Variants in VEPH1 observed in about 807,000 individuals in gnomAD.
VEPH1 encodes the protein ventricular zone-expressed PH domain-containing protein homolog 1.
In VEPH1, 80 loss-of-function variants were observed where a neutral mutation model predicts 85.2. The observed-to-expected ratio is 0.94, with a 90% CI of 0.78 to 1.13. The LOEUF (loss-of-function observed/expected upper bound fraction) is 1.13. Ranked by LOEUF, VEPH1 falls within the 50% of genes most tolerant of loss-of-function variation. The pLI, the probability that VEPH1 is intolerant of heterozygous loss-of-function variation, is 0.00. For missense variants in VEPH1, 955 were observed against 980.5 expected (o/e 0.97, Z 0.35); for synonymous variants, 297 against 348.0 (o/e 0.85, Z 1.63).
At chr3:157,410,947 C>T (rs549523439) in intron 6 of VEPH1, among the ~76,000 whole-genome samples, 2 of 152,302 alleles carry the variant, frequency 1.3e-5, no homozygotes, top group South Asian at 4.1e-4. Flanking sequence ...TTTAACTGGG[C>T]ATGGGACCAC....
rs1559952617 is a variant in VEPH1 at position 157,317,078 on chromosome 3, A to G, written c.1859T>C (p.Met620Thr). ...TATACAAACCTGCTGAAATAGAAAC[A>G]TGATCTGGATCCATGGCTGAGGTTC... ...SQEPQPWIQI[M>T]FLFQQSLFPE... The change falls in exon 10 of 14, where the codon ATG becomes ACG. Residue 620 changes from methionine (M) to threonine (T), a missense_variant. Transcript: ENST00000362010. 8 of 1,612,802 alleles carry G rather than the reference A, an allele frequency of 5.0e-6. No individual in the cohort carries two copies. The highest frequency in any genetic ancestry group is 6.8e-6 in the Non-Finnish European group (8 of 1,179,402).
At position 157,483,100 on chromosome 3, in the gene VEPH1, CCTT is replaced by C. The variant is rs770991960; in HGVS notation, c.138+12109_138+12111del. ...TACTAATAATCCTTTATATTTTCAT[CCTT>C]CTTTCCACTTTTAAAAGCATACACA... On this transcript the variant is annotated intron_variant, in intron 2 of 13. Transcript: ENST00000362010. Among the ~76,000 whole-genome samples the C allele has an allele frequency of 4.0e-5, 6 of 148,778 alleles. No homozygotes were observed. The East Asian group carries it at 1.2e-3, about 29-fold the overall frequency.
chr3:157,308,394 G>A (rs1264694573), intron 11 of VEPH1, among the ~76,000 whole-genome samples: 7 of 151,784 alleles, frequency 4.6e-5, no homozygotes, highest in African/African-American at 9.7e-5. Flanking sequence ...AAAAGGATTC[G>A]TTTCATACGT....
intron 3 of VEPH1, among the ~76,000 whole-genome samples, chr3:157,464,864 C>T (rs12496305): frequency 0.17 from 26,089 of 152,192 alleles, 2,870 homozygotes; most frequent in East Asian, 0.38. Context: ...AATATTAAAC[C>T]TCATTTATTA....
At chr3:157,474,905 T>G (rs1737314184) in intron 2 of VEPH1, among the ~76,000 whole-genome samples, 1 of 152,224 alleles carries the variant, frequency 6.6e-6, no homozygotes, top group African/African-American at 2.4e-5. Context: ...TTGCTTTAAT[T>G]TGAATTATTC....
intron 9 of VEPH1, among the ~76,000 whole-genome samples, chr3:157,326,692 T>C (rs1721943266): frequency 6.6e-6 from 1 of 152,172 alleles, no homozygotes; most frequent in Non-Finnish European, 1.5e-5. Flanking sequence ...CAGAGAAGTG[T>C]AAAGCCATCA....
rs139799192 is a variant in VEPH1 at position 157,305,101 on chromosome 3, C to CT, written c.2010+8519dup. ...CTCTCTATTTCATCTATCTATCTGT[C>CT]TTTTTTTTTTTTTTTTTTTTTTTTT... On this transcript the variant is annotated intron_variant, in intron 11 of 13. Transcript: ENST00000362010. 9.5e-3 allele frequency among the ~76,000 whole-genome samples: 742 copies of CT among 77,856 alleles called. 75 individuals are homozygous for CT. Among genetic ancestry groups the CT allele is most frequent in the African/African-American group, 0.015 (271 of 17,904 alleles). 51.1% of individuals were successfully genotyped at this position (77,856 alleles called of 152,430 possible). A position where few individuals can be genotyped will look rare whatever the true frequency, so the allele number is the denominator to read the frequency against.
chr3:157,296,685 T>C (rs1056279197), intron 11 of VEPH1, among the ~76,000 whole-genome samples: 10 of 152,246 alleles, frequency 6.6e-5, no homozygotes, highest in Non-Finnish European at 1.3e-4. Flanking sequence ...TAGAGAATTA[T>C]TACAGCATAG....
chr3:157,359,867 T>G (rs576990049), intron 9 of VEPH1, among the ~76,000 whole-genome samples: 1 of 152,328 alleles, frequency 6.6e-6, no homozygotes, highest in African/African-American at 2.4e-5. Context: ...TTTGTCGTGT[T>G]CCTAGCGTAT....
chr3:157,455,830 T>C (rs1735329331), intron 4 of VEPH1, among the ~76,000 whole-genome samples: 1 of 152,240 alleles, frequency 6.6e-6, no homozygotes, highest in South Asian at 2.1e-4. Flanking sequence ...CTATGATTGA[T>C]GGGCGTTTAG....
chr3:157,378,028 C>T (rs144438865), intron 7 of VEPH1, among the ~76,000 whole-genome samples: 62 of 152,010 alleles, frequency 4.1e-4, no homozygotes, highest in African/African-American at 1.4e-3. Flanking sequence ...AGGACATGGG[C>T]CAAACTTTCA....
chr3:157,405,856 G>T lies in VEPH1; in HGVS notation c.906+8025C>A, dbSNP rs142980789. Among the ~76,000 whole-genome samples the T allele has an allele frequency of 3.0e-3, 458 of 152,238 alleles. 8 individuals carry two copies. The East Asian group carries it at 0.044, about 15-fold the overall frequency. On this transcript the variant is annotated intron_variant, in intron 6 of 13. Coordinates refer to ENST00000362010, the MANE Select transcript of VEPH1 (RefSeq NM_001167912.2). Reference sequence around the variant, plus strand: ...ATCCCCAGTTGTGAGATCCTCTAGGGCAGGGACCATGTCTTTCTCTCCTCT... The same window carrying T: ...ATCCCCAGTTGTGAGATCCTCTAGGTCAGGGACCATGTCTTTCTCTCCTCT...
At chr3:157,415,661 C>T (rs1413701523) in intron 5 of VEPH1, among the ~76,000 whole-genome samples, 6 of 152,168 alleles carry the variant, frequency 3.9e-5, no homozygotes, top group East Asian at 1.9e-4. Context: ...TATCCATCTT[C>T]CCACATTCAG....
chr3:157,292,484 G>C (rs1034250890), intron 11 of VEPH1, among the ~76,000 whole-genome samples: 1 of 152,028 alleles, frequency 6.6e-6, no homozygotes, highest in Non-Finnish European at 1.5e-5. Context: ...TTGAGGTCAG[G>C]AGTTGGAGAC....
intron 7 of VEPH1, among the ~76,000 whole-genome samples, chr3:157,371,716 A>G (rs1014103867): frequency 3.3e-5 from 5 of 152,232 alleles, no homozygotes; most frequent in Non-Finnish European, 5.9e-5. Context: ...TGAGGGTTTC[A>G]CTAATTCTGT....
chr3:157,459,464 T>A, intron 4 of VEPH1: 1 of 368,320 alleles, frequency 2.7e-6, no homozygotes, highest in Non-Finnish European at 3.9e-6. Flanking sequence ...AACTGTGGGC[T>A]GAGATACTCA....
chr3:157,265,302 A>T (rs1713476086), intron 13 of VEPH1, among the ~76,000 whole-genome samples: 1 of 152,246 alleles, frequency 6.6e-6, no homozygotes, highest in African/African-American at 2.4e-5. Flanking sequence ...TCAACTAAAA[A>T]GTCAACTAAA....
intron 2 of VEPH1, among the ~76,000 whole-genome samples, chr3:157,490,121 A>T (rs867454319): frequency 3.9e-5 from 6 of 152,034 alleles, no homozygotes; most frequent in African/African-American, 7.2e-5. Context: ...GTACATAATG[A>T]TGTTAATTTT....
intron 9 of VEPH1, among the ~76,000 whole-genome samples, chr3:157,328,406 G>T (rs1050589677): frequency 6.6e-6 from 1 of 152,178 alleles, no homozygotes; most frequent in Non-Finnish European, 1.5e-5. Context: ...AGAGGAAAGA[G>T]ACTGCATAAT....
Sources: gnomAD v4.1 joint callset for allele counts (sites outside exome capture counted in the v4.1 genomes callset) on GRCh38, gnomAD v4.1.1 for gene constraint, MANE v1.5 for transcripts, NCBI Gene and HGNC (gene_info 2026-07-23, HGNC 2026-07-21) for gene names.